ZDHHC11: variants seen among roughly 807,000 people sequenced by gnomAD.
ZDHHC11 encodes zDHHC palmitoyltransferase 11.
A neutral mutation model predicts 51.3 loss-of-function variants in ZDHHC11; 44 were observed. The observed-to-expected ratio is 0.86, with a 90% CI of 0.67 to 1.10. The LOEUF (loss-of-function observed/expected upper bound fraction) is 1.10, where lower values mean the gene tolerates loss of function less well. ZDHHC11 is among the 50% of genes least tolerant of loss of function. The pLI is 0.00. For missense variants in ZDHHC11, 400 were observed against 537.7 expected (o/e 0.74, Z 2.53); for synonymous variants, 163 against 222.0 (o/e 0.73, Z 2.36).
intron 6 of ZDHHC11, among the ~76,000 whole-genome samples, chr5:835,739 C>T (rs1194167608): frequency 2.0e-5 from 3 of 151,922 alleles, no homozygotes; most frequent in Non-Finnish European, 4.4e-5. Flanking sequence ...ATGCTGTACA[C>T]CTTTTCACTT....
intron 6 of ZDHHC11, among the ~76,000 whole-genome samples, chr5:836,980 C>T (rs1194700214): frequency 6.6e-6 from 1 of 151,280 alleles, no homozygotes; most frequent in Non-Finnish European, 1.5e-5. Flanking sequence ...CTGTTTGAAC[C>T]CAGGAGGTGG....
chr5:813,875 G>A (rs1221412600), intron 11 of ZDHHC11, among the ~76,000 whole-genome samples: 6 of 141,974 alleles, frequency 4.2e-5, no homozygotes, highest in South Asian at 2.1e-4. Flanking sequence ...GACTGTGTGC[G>A]AGTGTGTGTG....
chr5:839,926 G>A, intron 5 of ZDHHC11: 1 of 428,248 alleles, frequency 2.3e-6, no homozygotes, highest in Non-Finnish European at 4.2e-6. Flanking sequence ...CAGGAGCAGG[G>A]AGGTTGTTGT....
intron 9 of ZDHHC11, among the ~76,000 whole-genome samples, chr5:820,250 G>A (rs1462210004): frequency 9.7e-6 from 1 of 103,336 alleles, no homozygotes; most frequent in Non-Finnish European, 2.2e-5. Context: ...TGATATTCAA[G>A]TGCTTCGGAT....
At chr5:844,813 T>C (rs1475621720) in intron 3 of ZDHHC11, among the ~76,000 whole-genome samples, 8 of 152,304 alleles carry the variant, frequency 5.3e-5, no homozygotes, top group Non-Finnish European at 1.0e-4. Flanking sequence ...TGAGACCAAA[T>C]CCACTCCCAG....
chr5:805,082 T>G (rs1579543631), intron 11 of ZDHHC11, among the ~76,000 whole-genome samples: 2 of 151,556 alleles, frequency 1.3e-5, no homozygotes, highest in East Asian at 3.9e-4. Context: ...ATGTAATCAA[T>G]GACAACAGCA....
chr5:840,332 C>G (rs1231471864), intron 5 of ZDHHC11, 163 bp downstream of exon 5: 2 of 1,003,226 alleles, frequency 2.0e-6, no homozygotes, highest in African/African-American at 3.3e-5. Flanking sequence ...GATCTCACTT[C>G]TGGGAGAGGC....
upstream of ZDHHC11, among the ~76,000 whole-genome samples, chr5:852,818 C>A (rs1269481543): frequency 1.3e-5 from 2 of 148,352 alleles, no homozygotes; most frequent in Non-Finnish European, 3.0e-5. Flanking sequence ...GGGACAGACC[C>A]CACGGAGGAC....
intron 11 of ZDHHC11, among the ~76,000 whole-genome samples, chr5:801,553 G>A (rs1442738484): frequency 6.6e-6 from 1 of 151,404 alleles, no homozygotes; most frequent in Non-Finnish European, 1.5e-5. Flanking sequence ...ATTGTGATGA[G>A]TTCTGGCTAT....
In ZDHHC11 at chr5:828,259, T is replaced by C. The variant is rs1247555099; in HGVS notation, c.936-3008A>G. On this transcript the variant is annotated intron_variant, in intron 7 of 12. Coordinates refer to ENST00000283441, the MANE Select transcript of ZDHHC11 (RefSeq NM_024786.3). ...TCTCAGTGAGCTGTTGGGTACACCTTCCAGACGGGGTGGTGGCCGGGCAGA... is the reference window on the plus strand; with the variant it reads ...TCTCAGTGAGCTGTTGGGTACACCTCCCAGACGGGGTGGTGGCCGGGCAGA... Among the ~76,000 whole-genome samples the C allele has an allele frequency of 2.6e-5, 4 of 151,400 alleles. 1 individual carries two copies. Among genetic ancestry groups the C allele is most frequent in the Non-Finnish European group, 5.9e-5 (4 of 67,766 alleles).
intron 10 of ZDHHC11, among the ~76,000 whole-genome samples, chr5:815,687 C>T (rs1485224369): frequency 6.6e-6 from 1 of 151,580 alleles, no homozygotes; most frequent in Middle Eastern, 3.2e-3. Context: ...TGCCAAACTG[C>T]TTGGCGATGT....
Position 814,760 on chromosome 5 carries a change from C to T in ZDHHC11, c.1181+1G>A, listed in dbSNP as rs200878161. ...CGTTCCCGTTAAACTTACGAACTTA[C>T]CCAAGTGTAGATATACTCGGGGCAT... On this transcript the variant is annotated splice_donor_variant, in intron 11 of 12. Coordinates refer to ENST00000283441, the MANE Select transcript of ZDHHC11 (RefSeq NM_024786.3). LOFTEE classifies it high-confidence loss of function. The T allele has an allele frequency of 4.7e-5, 73 of 1,560,332 alleles. 2 individuals carry two copies. In the Middle Eastern group the frequency reaches 1.8e-3, roughly 39 times the overall value.
intron 6 of ZDHHC11, among the ~76,000 whole-genome samples, chr5:836,618 C>T (rs1222695412): frequency 1.3e-5 from 2 of 149,292 alleles, no homozygotes; most frequent in Non-Finnish European, 3.0e-5. Flanking sequence ...GACTACAGGG[C>T]CTGGGATTTT....
chr5:795,932 C>CTA lies in ZDHHC11; in HGVS notation c.*655_*656insTA. On this transcript the variant is annotated 3_prime_UTR_variant, in exon 13 of 13. Coordinates refer to ENST00000283441, the MANE Select transcript of ZDHHC11 (RefSeq NM_024786.3). ...AGTACTGTGCTCCCATTTCCCAGTACTGTGTGCTCCCATTTCTCAGTACTG... is the reference window on the plus strand; with the variant it reads ...AGTACTGTGCTCCCATTTCCCAGTACTATGTGTGCTCCCATTTCTCAGTACTG... 6.9e-6 allele frequency: 1 copy of CTA among 143,930 alleles called. No individual in the cohort carries two copies. Among genetic ancestry groups the CTA allele is most frequent in the Non-Finnish European group, 1.6e-5 (1 of 64,500 alleles). The allele number at this position is 143,930 out of a possible 1,614,324, so 8.9% of individuals were successfully genotyped here.
At chr5:817,683 G>A (rs1411088511) in intron 10 of ZDHHC11, among the ~76,000 whole-genome samples, 2 of 151,120 alleles carry the variant, frequency 1.3e-5, no homozygotes, top group Non-Finnish European at 3.0e-5. Flanking sequence ...TTTCTAGGTG[G>A]GACTGAGCTG....
At chr5:855,944 C>G (rs1748179743), upstream of ZDHHC11, among the ~76,000 whole-genome samples, 2 of 151,882 alleles carry the variant, frequency 1.3e-5, no homozygotes, top group South Asian at 2.1e-4. Flanking sequence ...GGACAGACCC[C>G]ACAGAGGACA....
chr5:833,504 G>A (rs945777165), intron 7 of ZDHHC11, among the ~76,000 whole-genome samples: 39 of 151,842 alleles, frequency 2.6e-4, no homozygotes, highest in Non-Finnish European at 2.8e-4. Flanking sequence ...ATAAATAAGC[G>A]GATCTTACTC....
At chr5:817,094 G>C (rs1450840839) in intron 10 of ZDHHC11, 1 of 164,694 alleles carries the variant, frequency 6.1e-6, no homozygotes, top group Non-Finnish European at 1.3e-5. Flanking sequence ...CTGTTAAAAA[G>C]TCCATGTTTT....
Position 850,664 on chromosome 5 carries a change from C to G in ZDHHC11, c.-62G>C. On this transcript the variant is annotated 5_prime_UTR_variant, in exon 1 of 13. Coordinates refer to ENST00000283441, the MANE Select transcript of ZDHHC11 (RefSeq NM_024786.3). ...ATCCTGGGAGGGCCGGCCCCGCCCA[C>G]TGTCACAGAGACCAAGGGGACTGGG... 6 of 1,582,316 alleles carry G rather than the reference C, an allele frequency of 3.8e-6. No homozygotes were observed. Among genetic ancestry groups the G allele is most frequent in the Non-Finnish European group, 5.2e-6 (6 of 1,160,074 alleles).
Sources: gnomAD v4.1 joint callset for allele counts (sites outside exome capture counted in the v4.1 genomes callset) on GRCh38, gnomAD v4.1.1 for gene constraint, MANE v1.5 for transcripts, NCBI Gene and HGNC (gene_info 2026-07-23, HGNC 2026-07-21) for gene names.